Variants in TWIST2 observed in about 807,000 individuals in gnomAD.
TWIST2 encodes the protein twist-related protein 2.
Under a neutral mutation model 11.6 loss-of-function variants are expected in TWIST2, and 1 was observed. That is an observed-to-expected ratio of 0.09 (90% CI 0.03 to 0.41). The LOEUF is 0.41. TWIST2 is among the 10% of genes least tolerant of loss of function. TWIST2 has a pLI of 0.98. For missense variants in TWIST2, 168 were observed against 226.4 expected (o/e 0.74, Z 1.66); for synonymous variants, 87 against 96.6 (o/e 0.90, Z 0.58).
intron 1 of TWIST2, among the ~76,000 whole-genome samples, chr2:238,859,212 CAAAAAAA>C (rs544641770): frequency 7.2e-6 from 1 of 139,574 alleles, no homozygotes; most frequent in Non-Finnish European, 1.5e-5. Context: ...CACTCCGTCT[CAAAAAAA>C]AAAAAAAAAA....
In TWIST2 at chr2:238,866,260, G is replaced by T. The variant is rs984964937; in HGVS notation, c.*35+17527G>T. Among the ~76,000 whole-genome samples the T allele has an allele frequency of 1.3e-5, 2 of 152,216 alleles. No homozygotes were observed. Among genetic ancestry groups the T allele is most frequent in the African/African-American group, 4.8e-5 (2 of 41,452 alleles). ...GCACCCTCCATGGCGAGCTCCCCAG[G>T]CCAGGAGCATGTCTGTCCTTTTCAC... is the stretch of plus-strand genomic sequence containing the variant. On this transcript the variant is annotated intron_variant, in intron 1 of 1. Coordinates refer to ENST00000612363, the MANE Select transcript of TWIST2 (RefSeq NM_001271893.4). The surrounding 1 kb of genome is among the most constrained non-coding windows in gnomAD (Gnocchi z 4.9).
intron 1 of TWIST2, among the ~76,000 whole-genome samples, chr2:238,851,165 T>C (rs1393502917): frequency 6.6e-6 from 1 of 152,234 alleles, no homozygotes; most frequent in South Asian, 2.1e-4. Context: ...TTTTCACGTA[T>C]GTGAAGAAAA....
intron 1 of TWIST2, among the ~76,000 whole-genome samples, chr2:238,904,393 A>G (rs1370679271): frequency 2.7e-5 from 2 of 74,146 alleles, no homozygotes. Context: ...TGTGTGATGT[A>G]AGGTGTGTGT....
At chr2:238,869,935 G>C (rs901226264) in intron 1 of TWIST2, among the ~76,000 whole-genome samples, 1 of 152,006 alleles carries the variant, frequency 6.6e-6, no homozygotes, top group East Asian at 1.9e-4. Context: ...AACAGAGTGA[G>C]ACTGTGTCTC....
At chr2:238,855,842 G>T (rs1160836802) in intron 1 of TWIST2, among the ~76,000 whole-genome samples, 1 of 152,144 alleles carries the variant, frequency 6.6e-6, no homozygotes, top group Non-Finnish European at 1.5e-5. Context: ...GCCTCGTGCG[G>T]CCCATAGATG....
intron 1 of TWIST2, among the ~76,000 whole-genome samples, chr2:238,870,829 A>C (rs1290211214): frequency 4.0e-5 from 2 of 50,182 alleles, no homozygotes; most frequent in African/African-American, 2.0e-4. Context: ...CCCCACACAC[A>C]CCACACCCCC....
At chr2:238,893,185 T>C (rs1207821017) in intron 1 of TWIST2, among the ~76,000 whole-genome samples, 1 of 152,206 alleles carries the variant, frequency 6.6e-6, no homozygotes, top group Non-Finnish European at 1.5e-5. Flanking sequence ...CTTCTGAATA[T>C]AGGTGAATAG....
At chr2:238,856,784 A>C (rs998785032) in intron 1 of TWIST2, among the ~76,000 whole-genome samples, 3 of 152,106 alleles carry the variant, frequency 2.0e-5, no homozygotes, top group Admixed American at 6.5e-5. Context: ...TCTCAGAAAA[A>C]GCACCCTTCC....
intron 1 of TWIST2, among the ~76,000 whole-genome samples, chr2:238,876,356 A>G (rs1692805865): frequency 6.6e-6 from 1 of 152,188 alleles, no homozygotes; most frequent in East Asian, 1.9e-4. Context: ...TGGCCCTACA[A>G]GAGACTGCAG....
chr2:238,903,156 ATG>A (rs1278323142), intron 1 of TWIST2, among the ~76,000 whole-genome samples: 2 of 96,574 alleles, frequency 2.1e-5, no homozygotes, highest in East Asian at 7.5e-4. Flanking sequence ...TGAGGTGTGT[ATG>A]TGAGGTGTGG....
intron 1 of TWIST2, among the ~76,000 whole-genome samples, chr2:238,878,671 G>A (rs2106363295): frequency 6.6e-6 from 1 of 152,346 alleles, no homozygotes; most frequent in South Asian, 2.1e-4. Flanking sequence ...CCTCCAGGAG[G>A]TAACGCAGAA....
intron 1 of TWIST2, among the ~76,000 whole-genome samples, chr2:238,871,445 T>C (rs1370526720): frequency 1.9e-3 from 34 of 18,374 alleles, no homozygotes; most frequent in African/African-American, 2.6e-3. Flanking sequence ...ACACACACCT[T>C]ACCCCACACA....
intron 1 of TWIST2, among the ~76,000 whole-genome samples, chr2:238,859,444 G>T (rs1692390553): frequency 6.6e-6 from 1 of 151,870 alleles, no homozygotes; most frequent in Non-Finnish European, 1.5e-5. Context: ...TTTCTGTTTG[G>T]AATAATACAA....
chr2:238,848,215 C>T lies in TWIST2; in HGVS notation c.-1C>T, dbSNP rs1371611641. ...AGCCCCACGCGCGCCGGGCGGGCGC[C>T]ATGGAGGAGGGCTCCAGCTCGCCCG... On this transcript the variant is annotated 5_prime_UTR_variant, in exon 1 of 2. Coordinates refer to ENST00000612363, the MANE Select transcript of TWIST2 (RefSeq NM_001271893.4). 3.0e-6 allele frequency: 4 copies of T among 1,338,398 alleles called. No individual in the cohort carries two copies. Among genetic ancestry groups the T allele is most frequent in the South Asian group, 1.9e-5 (1 of 51,356 alleles). 82.9% of individuals were successfully genotyped at this position (1,338,398 alleles called of 1,614,324 possible).
intron 1 of TWIST2, among the ~76,000 whole-genome samples, chr2:238,870,539 T>C (rs367765521): frequency 0.94 from 67,045 of 71,314 alleles, 31,490 homozygotes; most frequent in African/African-American, 0.98. Context: ...ACACCCTACA[T>C]ACCCCACACA....
chr2:238,902,374 A>T (rs1449301560), intron 1 of TWIST2, among the ~76,000 whole-genome samples: 1 of 146,162 alleles, frequency 6.8e-6, no homozygotes, highest in Non-Finnish European at 1.5e-5. Flanking sequence ...TATGTGGTGT[A>T]TGTATGTGTG....
At chr2:238,868,199 C>T (rs915696286) in intron 1 of TWIST2, among the ~76,000 whole-genome samples, 6 of 152,144 alleles carry the variant, frequency 3.9e-5, no homozygotes, top group Non-Finnish European at 5.9e-5. Flanking sequence ...CTGCACGTGG[C>T]TCCCAGGGGC....
chr2:238,873,346 C>T (rs1185397557), intron 1 of TWIST2, among the ~76,000 whole-genome samples: 1 of 152,124 alleles, frequency 6.6e-6, no homozygotes, highest in African/African-American at 2.4e-5. Context: ...CAGATGTGGG[C>T]TTGCTGACCA....
chr2:238,889,089 C>G (rs1487369537), intron 1 of TWIST2, among the ~76,000 whole-genome samples: 2 of 152,174 alleles, frequency 1.3e-5, no homozygotes, highest in African/African-American at 4.8e-5. Context: ...AGTGGCCATC[C>G]CTGGAGCCCT....
Sources: allele counts gnomAD v4.1 joint callset (sites outside exome capture counted in the v4.1 genomes callset), GRCh38; gene constraint gnomAD v4.1.1; non-coding constraint Gnocchi (gnomAD v3.1); transcripts MANE v1.5; gene names NCBI Gene and HGNC (gene_info 2026-07-23, HGNC 2026-07-21).